The following BPIFB3 variants were observed in gnomAD, a reference collection of about 807,000 sequenced individuals.
BPIFB3 encodes BPI fold-containing family B member 3.
BPIFB3 carries 49 observed loss-of-function variants against 53.1 expected under a neutral mutation model. The ratio of observed to expected loss-of-function variants is 0.92; its 90% CI spans 0.73 to 1.17. BPIFB3 has a LOEUF of 1.17. BPIFB3 is among the 50% of genes most tolerant of loss of function. The pLI is 0.00. For missense variants in BPIFB3, 628 were observed against 592.5 expected, an observed-to-expected ratio of 1.06 and a Z score of -0.62; for synonymous variants, 271 against 269.6, an observed-to-expected ratio of 1.01 and a Z score of -0.05.
In BPIFB3 at chr20:33,063,591, G is replaced by T. The variant is rs1430129806; in HGVS notation, c.592-24G>T. 4 of 1,609,328 alleles carry T rather than the reference G, an allele frequency of 2.5e-6. No individual in the cohort carries two copies. The Admixed American group carries it at 6.7e-5, about 27-fold the overall frequency. On this transcript the variant is annotated intron_variant, in intron 5 of 14. Coordinates refer to ENST00000375494, the Ensembl canonical transcript of BPIFB3. ...CTCGCAGTGAGCTCTTCTTTGCCCTGTAACATGTGTCTCCCTGACACAGCT... is the reference window on the plus strand; with the variant it reads ...CTCGCAGTGAGCTCTTCTTTGCCCTTTAACATGTGTCTCCCTGACACAGCT...
At chr20:33,071,147 GGT>G (rs1980867530) in intron 11 of BPIFB3, 104 bp from the exon 13 acceptor site, 1 of 1,111,844 alleles carries the variant, frequency 9.0e-7, no homozygotes, top group Non-Finnish European at 1.3e-6. Flanking sequence ...GTGTTGGGCT[GGT>G]AATCCTGTTT....
At chr20:33,067,315 C>T (rs928833411) in intron 9 of BPIFB3, among the ~76,000 whole-genome samples, 6 of 152,214 alleles carry the variant, frequency 3.9e-5, no homozygotes, top group African/African-American at 7.2e-5. Flanking sequence ...CCAGGCCAGG[C>T]CTCAGCTTTC....
intron 1 of BPIFB3, among the ~76,000 whole-genome samples, chr20:33,055,771 G>A (rs867524573): frequency 6.6e-6 from 1 of 152,172 alleles, no homozygotes; most frequent in Non-Finnish European, 1.5e-5. Flanking sequence ...GGTGATATGG[G>A]CTGAGGCTGT....
At position 33,064,663 on chromosome 20, in the gene BPIFB3, C is replaced by T. The variant is rs769811941; in HGVS notation, c.745-3C>T. On this transcript the variant is annotated splice_region_variant and splice_polypyrimidine_tract_variant and intron_variant, in intron 7 of 14. Coordinates refer to ENST00000375494, the Ensembl canonical transcript of BPIFB3. ...TCCTCGGCCCTGTTTCCTGCCCCTG[C>T]AGCCTATCGTGAAGAGTGTAGCTGG... The T allele has an allele frequency of 1.2e-6, 2 of 1,613,438 alleles. No homozygotes were observed. Among genetic ancestry groups the T allele is most frequent in the South Asian group, 2.2e-5 (2 of 90,988 alleles).
In BPIFB3 at chr20:33,064,857, G is replaced by A. The variant is rs1230466281; in HGVS notation, c.924+12G>A. ...TCACCCCTGAGCTGGTGAGTGTGGTGCCCGGGGGATGGGGATGGGGGCTCC... is the reference window on the plus strand; with the variant it reads ...TCACCCCTGAGCTGGTGAGTGTGGTACCCGGGGGATGGGGATGGGGGCTCC... On this transcript the variant is annotated intron_variant, in intron 8 of 14. Coordinates refer to ENST00000375494, the Ensembl canonical transcript of BPIFB3. 2 of 1,608,772 alleles carry A rather than the reference G, an allele frequency of 1.2e-6. No individual in the cohort carries two copies. The highest frequency in any genetic ancestry group is 2.2e-5 in the East Asian group (1 of 44,850).
At chr20:33,059,119 G>A (rs1277043498) in intron 2 of BPIFB3, among the ~76,000 whole-genome samples, 1 of 152,146 alleles carries the variant, frequency 6.6e-6, no homozygotes, top group Non-Finnish European at 1.5e-5. Context: ...TAGGACATTT[G>A]TTGAGCACAC....
At chr20:33,060,081 C>T (rs367752830) in intron 4 of BPIFB3, 50 bp downstream of exon 5, 32 of 1,591,754 alleles carry the variant, frequency 2.0e-5, no homozygotes, top group African/African-American at 8.0e-5. Context: ...AGGATCATCT[C>T]GCACCCATCT....
intron 2 of BPIFB3, among the ~76,000 whole-genome samples, chr20:33,058,132 G>C (rs576087164): frequency 6.6e-6 from 1 of 152,310 alleles, no homozygotes; most frequent in Admixed American, 6.5e-5. Flanking sequence ...TCTATGGCTG[G>C]TGGGTGAATT....
downstream of BPIFB3, chr20:33,073,751 G>A (rs1217894779): frequency 2.0e-5 from 17 of 863,716 alleles, no homozygotes; most frequent in Non-Finnish European, 2.4e-5. Flanking sequence ...GTTTGGGGTG[G>A]GAACTGCCTG....
chr20:33,073,184 C>A (rs1980976262), intron 14 of BPIFB3, among the ~76,000 whole-genome samples: 1 of 152,176 alleles, frequency 6.6e-6, no homozygotes. Context: ...GGATCATGAC[C>A]CTTTTTCTTG....
chr20:33,065,290 C>A (rs182317026), intron 8 of BPIFB3, among the ~76,000 whole-genome samples: 2 of 152,268 alleles, frequency 1.3e-5, no homozygotes, highest in African/African-American at 4.8e-5. Flanking sequence ...GTAATCCCAG[C>A]ACTTTGGGAG....
At chr20:33,064,970 G>A in intron 8 of BPIFB3, 125 bp downstream of exon 9, 2 of 1,093,910 alleles carry the variant, frequency 1.8e-6, no homozygotes, top group Non-Finnish European at 2.6e-6. Context: ...AAAGGGAGTT[G>A]AACAAGTTTA....
chr20:33,057,282 G>A (rs1031430736), intron 2 of BPIFB3, among the ~76,000 whole-genome samples: 5 of 151,958 alleles, frequency 3.3e-5, no homozygotes, highest in Admixed American at 6.6e-5. Flanking sequence ...TCCGCTTCCC[G>A]GGTTCAAGCG....
upstream of BPIFB3, chr20:33,055,279 G>A: frequency 1.6e-6 from 2 of 1,243,920 alleles, no homozygotes; most frequent in Non-Finnish European, 1.1e-6. Flanking sequence ...CTTACATTTG[G>A]GAGGAGAAGG....
In BPIFB3 at chr20:33,060,079, C is replaced by G. The variant is rs368817223; in HGVS notation, c.527+48C>G. On this transcript the variant is annotated intron_variant, in intron 4 of 14. Transcript: ENST00000375494. ...GCAACCCTGACCCGCTCAGGATCAT[C>G]TCGCACCCATCTGGGCATCTCCCAG... is the stretch of plus-strand genomic sequence containing the variant. The G allele has an allele frequency of 1.9e-6, 3 of 1,593,290 alleles. No individual in the cohort carries two copies. The African/African-American group carries it at 4.0e-5, about 21-fold the overall frequency.
chr20:33,073,544 G>A, intron 14 of BPIFB3, 32 bp from the exon 16 acceptor site: 2 of 1,613,664 alleles, frequency 1.2e-6, no homozygotes, highest in African/African-American at 1.3e-5. Flanking sequence ...CAGAGACTCA[G>A]GGGTGTAACC....
intron 8 of BPIFB3, among the ~76,000 whole-genome samples, chr20:33,066,420 G>A (rs1293571191): frequency 6.6e-6 from 1 of 152,220 alleles, no homozygotes; most frequent in Admixed American, 6.5e-5. Context: ...AAGATCTGGG[G>A]TCAGATCCCT....
At chr20:33,068,276 G>T (rs1421998713) in intron 9 of BPIFB3, among the ~76,000 whole-genome samples, 1 of 152,242 alleles carries the variant, frequency 6.6e-6, no homozygotes, top group African/African-American at 2.4e-5. Context: ...GCTGGCTTAG[G>T]AGTGCTGGCT....
chr20:33,056,733 C>T, intron 2 of BPIFB3, 35 bp downstream of exon 3: 1 of 1,517,924 alleles, frequency 6.6e-7, no homozygotes, highest in Non-Finnish European at 8.8e-7. Flanking sequence ...TACAGGAAGA[C>T]TTGGCTTTGC....
Sources: gnomAD v4.1 joint callset for allele counts (sites outside exome capture counted in the v4.1 genomes callset) on GRCh38, gnomAD v4.1.1 for gene constraint, MANE v1.5 for transcripts, NCBI Gene and HGNC (gene_info 2026-07-23, HGNC 2026-07-21) for gene names.